MICALL2: variants seen among roughly 807,000 people sequenced by gnomAD.
MICALL2 encodes the protein MICAL like 2, also known as MICAL-like protein 2.
Under a neutral mutation model 91.1 loss-of-function variants are expected in MICALL2, and 111 were observed. The ratio of observed to expected loss-of-function variants is 1.22; its 90% CI spans 1.04 to 1.43. The LOEUF is 1.43. Ranked by LOEUF, MICALL2 falls within the 40% of genes most tolerant of loss-of-function variation. MICALL2 has a pLI of 0.00. For missense variants in MICALL2, 1,556 were observed against 1,236.0 expected (o/e 1.26, Z -3.88); for synonymous variants, 694 against 525.3 (o/e 1.32, Z -4.39).
At position 1,442,493 on chromosome 7, in the gene MICALL2, A is replaced by C. The variant is rs1342399308; in HGVS notation, c.1419-9T>G. On this transcript the variant is annotated splice_polypyrimidine_tract_variant and intron_variant, in intron 6 of 16. Transcript: ENST00000297508. ...CAGTGGCTGGGGAGGGCCTATAAGT[A>C]AAAGCGCAGGCATCAGGCACAGCTG... 1 of 1,522,612 alleles carries C rather than the reference A, an allele frequency of 6.6e-7. No individual in the cohort carries two copies. The highest frequency in any genetic ancestry group is 2.1e-5 in the Admixed American group (1 of 46,776). The allele number at this position is 1,522,612 out of a possible 1,614,324, so 94.3% of individuals were successfully genotyped here. A position where few individuals can be genotyped will look rare whatever the true frequency, so the allele number is the denominator to read the frequency against.
intron 15 of MICALL2, 121 bp downstream of exon 15, chr7:1,436,621 T>C: frequency 1.7e-6 from 1 of 579,496 alleles, no homozygotes. Flanking sequence ...ACTGTACCAG[T>C]CAGCATAGAC....
intron 14 of MICALL2, chr7:1,437,116 G>A: frequency 4.2e-6 from 2 of 481,900 alleles, no homozygotes; most frequent in Non-Finnish European, 7.3e-6. Flanking sequence ...GAGGCTCAGG[G>A]CGTCGCTGTC....
chr7:1,447,466 C>A, intron 4 of MICALL2, 109 bp downstream of exon 4: 1 of 670,510 alleles, frequency 1.5e-6, no homozygotes, highest in African/African-American at 1.8e-5. Flanking sequence ...GGAGCCGCAC[C>A]CCACTCTGGG....
At position 1,445,266 on chromosome 7, in the gene MICALL2, C is replaced by G. The variant is rs1780519494; in HGVS notation, c.804G>C (p.Arg268Ser). 3 of 1,612,460 alleles carry G rather than the reference C, an allele frequency of 1.9e-6. No individual in the cohort carries two copies. In the African/African-American group the frequency reaches 4.0e-5, roughly 21 times the overall value. ...GGGCCTTCTGTGGGGAACAGGAGGT[C>G]CTGGAATCCACACCCATGGCCCCTG... ...RQPGAMGVDS[R>S]TSCSPQKAQE... Residue 268 changes from arginine (R) to serine (S), a missense_variant, in exon 6 of 17, where the codon AGG becomes AGC. By Grantham distance (110) the Arg-to-Ser change is moderately radical. Coordinates refer to ENST00000297508, the MANE Select transcript of MICALL2 (RefSeq NM_182924.4).
chr7:1,436,970 G>A, intron 14 of MICALL2, 114 bp from the exon 15 acceptor site: 1 of 707,100 alleles, frequency 1.4e-6, no homozygotes, highest in African/African-American at 1.9e-5. Context: ...AGAAGGTGGG[G>A]TCTTGGGGGG....
At position 1,456,427 on chromosome 7, in the gene MICALL2, A is replaced by G. The variant is rs556636246; in HGVS notation, c.143+2757T>C. On this transcript the variant is annotated intron_variant, in intron 1 of 16. Transcript: ENST00000297508. ...ATGGCAAAACCCCGTCTCTAGAAAA[A>G]ATATGAAAATCGGCTGGGTGTGGGG... Among the ~76,000 whole-genome samples the G allele has an allele frequency of 1.2e-4, 19 of 152,020 alleles. No homozygotes were observed. In the South Asian group the frequency reaches 2.3e-3, roughly 18 times the overall value.
intron 3 of MICALL2, chr7:1,447,973 C>CTGGA: frequency 2.4e-6 from 1 of 412,406 alleles, no homozygotes. Flanking sequence ...AGAGCCCCAG[C>CTGGA]TGGAGTCAGG....
chr7:1,447,704 C>A lies in MICALL2; in HGVS notation c.396G>T (p.Lys132Asn). Residue 132 changes from lysine to asparagine, a missense_variant, in exon 4 of 17, where the codon AAG becomes AAT. Lys to Asn is a moderately conservative substitution (Grantham distance 94). Transcript: ENST00000297508. ...GCTTGGCCGCCTGGACTGGAGCCTT[C>A]TTCCCTGACGGCTCCTCCTCAGAGT... is the stretch of plus-strand genomic sequence containing the variant. ...SEDSEEEPSG[K>N]KAPVQAAKLP... The A allele has an allele frequency of 6.3e-7, 1 of 1,578,758 alleles. No homozygotes were observed. The highest frequency in any genetic ancestry group is 1.2e-5 in the South Asian group (1 of 86,186).
At chr7:1,434,880 C>G in intron 16 of MICALL2, 1 of 707,690 alleles carries the variant, frequency 1.4e-6, no homozygotes, top group East Asian at 2.7e-5. Context: ...CATGACCACA[C>G]GGTCACCAGC....
At chr7:1,454,485 G>A (rs1326669489) in intron 1 of MICALL2, among the ~76,000 whole-genome samples, 1 of 152,010 alleles carries the variant, frequency 6.6e-6, no homozygotes, top group Non-Finnish European at 1.5e-5. Context: ...GACGACTGGG[G>A]AGGGGAGGCC....
rs2128521781 is a variant in MICALL2, at chr7:1,443,507, T to G, written c.1419-1023A>C. 1.3e-5 allele frequency among the ~76,000 whole-genome samples: 2 copies of G among 152,314 alleles called. 1 individual carries two copies. The highest frequency in any genetic ancestry group is 4.1e-4 in the South Asian group (2 of 4,832). On this transcript the variant is annotated intron_variant, in intron 6 of 16. Transcript: ENST00000297508. Reference sequence around the variant, plus strand: ...GGTGACCCCTAAAAGTCATGTCCACTGGGAAGCTCAGAGTGTGACCTTATC... The same window carrying G: ...GGTGACCCCTAAAAGTCATGTCCACGGGGAAGCTCAGAGTGTGACCTTATC...
chr7:1,449,238 G>A (rs929563584), intron 2 of MICALL2, among the ~76,000 whole-genome samples: 1 of 152,264 alleles, frequency 6.6e-6, no homozygotes, highest in Admixed American at 6.5e-5. Flanking sequence ...CCCAGCAGCC[G>A]CCGGCCAGGC....
chr7:1,442,655 A>G (rs1344081074), intron 6 of MICALL2, among the ~76,000 whole-genome samples, 171 bp from the exon 7 acceptor site: 24 of 89,740 alleles, frequency 2.7e-4, no homozygotes, highest in East Asian at 5.9e-4. Flanking sequence ...GCGCCAGGCC[A>G]CCCCTCCGCC....
At chr7:1,437,410 G>C in intron 14 of MICALL2, 125 bp downstream of exon 14, 1 of 765,628 alleles carries the variant, frequency 1.3e-6, no homozygotes, top group Non-Finnish European at 2.0e-6. Flanking sequence ...ACGTGGGCTC[G>C]CCTGGCTCCA....
intron 1 of MICALL2, among the ~76,000 whole-genome samples, chr7:1,457,319 C>T (rs2128526872): frequency 6.6e-6 from 1 of 152,354 alleles, no homozygotes; most frequent in East Asian, 1.9e-4. Context: ...CTGGAGCTGA[C>T]AGTCCAGTGG....
In MICALL2 at chr7:1,445,179, C is replaced by A. The variant is rs763704997; in HGVS notation, c.891G>T (p.Arg297Ser). The A allele has an allele frequency of 6.3e-7, 1 of 1,589,402 alleles. No individual in the cohort carries two copies. The highest frequency in any genetic ancestry group is 8.6e-7 in the Non-Finnish European group (1 of 1,169,082). Residue 297 changes from arginine to serine, a missense_variant, in exon 6 of 17, where the codon AGG (arginine) becomes AGT (serine). By Grantham distance (110) the Arg-to-Ser change is moderately radical. Coordinates refer to ENST00000297508, the MANE Select transcript of MICALL2 (RefSeq NM_182924.4). ...WEPAAGNSPA[R>S]ASVPAAPNPA... ...GGTTGGGTGCAGCTGGAACGGAAGC[C>A]CTGGCAGGCGAGTTGCCCGCAGCAG... is the stretch of plus-strand genomic sequence containing the variant.
At chr7:1,456,309 C>T (rs1218247715) in intron 1 of MICALL2, among the ~76,000 whole-genome samples, 1 of 152,202 alleles carries the variant, frequency 6.6e-6, no homozygotes. Context: ...AGGCCAGACG[C>T]AGTGGCTCGC....
At chr7:1,453,873 T>C (rs1780922056) in intron 1 of MICALL2, among the ~76,000 whole-genome samples, 2 of 152,196 alleles carry the variant, frequency 1.3e-5, no homozygotes, top group Admixed American at 1.3e-4. Flanking sequence ...CTTGGTGAGA[T>C]TTCTGTGGCA....
At position 1,436,807 on chromosome 7, in the gene MICALL2, C is replaced by T; in HGVS notation, c.2526G>A (p.Glu842=). The T allele has an allele frequency of 6.2e-7, 1 of 1,607,296 alleles. No individual in the cohort carries two copies. Among genetic ancestry groups the T allele is most frequent in the Non-Finnish European group, 8.5e-7 (1 of 1,178,054 alleles). Residue 842 remains glutamate (E), a synonymous_variant, in exon 15 of 17, where the codon GAG becomes GAA. Transcript: ENST00000297508. The part of the protein sequence containing the change: ...QERRREQELL[E]QYVSTVNDRS... ...GGTCGTTCACGGTGCTCACGTACTG[C>T]TCCAGCAGCTCCTGCTCCCGCCGCC...
Sources: allele counts gnomAD v4.1 joint callset (sites outside exome capture counted in the v4.1 genomes callset), GRCh38; gene constraint gnomAD v4.1.1; transcripts MANE v1.5; gene names NCBI Gene and HGNC (gene_info 2026-07-23, HGNC 2026-07-21).